CADM2: variants seen among roughly 807,000 people sequenced by gnomAD.
CADM2 encodes cell adhesion molecule 2, also known as immunoglobulin superfamily member 4D.
In CADM2, 12 loss-of-function variants were observed where a neutral mutation model predicts 49.8. That is an observed-to-expected ratio of 0.24 (90% CI 0.15 to 0.39). CADM2 has a LOEUF of 0.39. Among genes scored for constraint, CADM2 ranks in the 10% least tolerant of loss-of-function variants. CADM2 has a pLI of 1.00. For missense variants in CADM2, 378 were observed against 492.3 expected, an observed-to-expected ratio of 0.77 and a Z score of 2.20; for synonymous variants, 214 against 175.4, an observed-to-expected ratio of 1.22 and a Z score of -1.74.
chr3:85,484,295 C>G (rs1322726721), intron 1 of CADM2, among the ~76,000 whole-genome samples: 1 of 151,900 alleles, frequency 6.6e-6, no homozygotes, highest in Non-Finnish European at 1.5e-5. Context: ...TGCTTATGCT[C>G]TGTATTAACA....
intron 1 of CADM2, among the ~76,000 whole-genome samples, chr3:85,483,750 G>A: frequency 6.6e-6 from 1 of 150,944 alleles, no homozygotes; most frequent in South Asian, 2.1e-4. Context: ...ATATAATGTT[G>A]AATAAGGAGT....
At chr3:85,085,367 T>C (rs975292628) in intron 1 of CADM2, among the ~76,000 whole-genome samples, 3 of 152,114 alleles carry the variant, frequency 2.0e-5, no homozygotes, top group Non-Finnish European at 4.4e-5. Flanking sequence ...AGGTTCATAG[T>C]TGTTGTTGCA....
chr3:85,403,607 C>G (rs909274043), intron 1 of CADM2, among the ~76,000 whole-genome samples: 7 of 152,076 alleles, frequency 4.6e-5, no homozygotes, highest in African/African-American at 1.7e-4. Context: ...TTCACCACCA[C>G]CACAGCAAAT....
intron 1 of CADM2, among the ~76,000 whole-genome samples, chr3:85,327,147 C>T (rs979594361): frequency 1.3e-5 from 2 of 151,436 alleles, no homozygotes; most frequent in Non-Finnish European, 1.5e-5. Flanking sequence ...AGAATTCTAT[C>T]CTACAATTCT....
chr3:85,606,366 A>G (rs1034421177), intron 1 of CADM2, among the ~76,000 whole-genome samples: 4 of 152,076 alleles, frequency 2.6e-5, no homozygotes, highest in Non-Finnish European at 5.9e-5. Flanking sequence ...CATATTCCCA[A>G]ACAACTGGAA....
intron 1 of CADM2, among the ~76,000 whole-genome samples, chr3:85,352,381 C>T (rs1405123305): frequency 6.6e-6 from 1 of 152,048 alleles, no homozygotes; most frequent in Non-Finnish European, 1.5e-5. Flanking sequence ...AGAAAAATAA[C>T]ATCAAGATTA....
chr3:85,379,918 A>T (rs1265249397), intron 1 of CADM2, among the ~76,000 whole-genome samples: 2 of 152,044 alleles, frequency 1.3e-5, no homozygotes, highest in Non-Finnish European at 2.9e-5. Context: ...TTATTGTCTG[A>T]CATCTTTTGA....
At chr3:85,420,509 A>G (rs1405380619) in intron 1 of CADM2, among the ~76,000 whole-genome samples, 1 of 152,216 alleles carries the variant, frequency 6.6e-6, no homozygotes, top group African/African-American at 2.4e-5. Context: ...GGGGAAAAAA[A>G]TTATAGCCCC....
In CADM2 at chr3:85,998,886, A is replaced by AT. The variant is rs899374678; in HGVS notation, c.970+37245dup. 5.9e-5 allele frequency among the ~76,000 whole-genome samples: 9 copies of AT among 152,184 alleles called. 1 individual carries two copies. The highest frequency in any genetic ancestry group is 1.4e-4 in the African/African-American group (6 of 41,460). On this transcript the variant is annotated intron_variant, in intron 8 of 9. Transcript: ENST00000383699. ...TTATTTGGGAAAGTAAAATTGACAG[A>AT]TTTTTTAACCAATTAAGTAAGAAAT...
At chr3:85,418,251 C>G (rs2036003813) in intron 1 of CADM2, among the ~76,000 whole-genome samples, 1 of 151,822 alleles carries the variant, frequency 6.6e-6, no homozygotes, top group Non-Finnish European at 1.5e-5. Context: ...ATAGAATTTA[C>G]AAGACAAAAA....
At chr3:85,881,270 G>A (rs1012688641) in intron 3 of CADM2, among the ~76,000 whole-genome samples, 1 of 151,536 alleles carries the variant, frequency 6.6e-6, no homozygotes, top group South Asian at 2.1e-4. Flanking sequence ...TCATGCTAAG[G>A]TTTTCTGTTT....
chr3:85,206,655 T>A (rs1475822970), intron 1 of CADM2, among the ~76,000 whole-genome samples: 1 of 152,144 alleles, frequency 6.6e-6, no homozygotes, highest in Non-Finnish European at 1.5e-5. Context: ...TTTCAGACTG[T>A]CTTGATAAAA....
intron 1 of CADM2, among the ~76,000 whole-genome samples, chr3:85,128,698 A>G (rs2039118485): frequency 6.6e-6 from 1 of 152,206 alleles, no homozygotes. Context: ...GGGTTAGGTT[A>G]GACCCCAAAA....
chr3:85,493,384 A>C (rs2039757280), intron 1 of CADM2, among the ~76,000 whole-genome samples: 1 of 152,148 alleles, frequency 6.6e-6, no homozygotes, highest in Admixed American at 6.5e-5. Context: ...CCGCTAAGAT[A>C]ATATGAATAC....
chr3:85,678,814 C>G (rs140806127), intron 1 of CADM2, among the ~76,000 whole-genome samples: 14 of 152,194 alleles, frequency 9.2e-5, no homozygotes, highest in Admixed American at 3.9e-4. Flanking sequence ...GGTGGCAGAT[C>G]TCAACTGGGG....
chr3:85,544,494 G>A (rs923915609), intron 1 of CADM2, among the ~76,000 whole-genome samples: 1 of 152,064 alleles, frequency 6.6e-6, no homozygotes, highest in Non-Finnish European at 1.5e-5. Flanking sequence ...GGTGAATGGC[G>A]TGAACCCGGG....
At chr3:85,436,445 T>G (rs1015417198) in intron 1 of CADM2, among the ~76,000 whole-genome samples, 1 of 151,918 alleles carries the variant, frequency 6.6e-6, no homozygotes. Flanking sequence ...CCTGAAATAC[T>G]CTGTTGAATA....
intron 1 of CADM2, among the ~76,000 whole-genome samples, chr3:84,989,419 T>A (rs577524655): frequency 6.6e-6 from 1 of 152,134 alleles, no homozygotes; most frequent in Non-Finnish European, 1.5e-5. Context: ...TCAAAATTAA[T>A]ATATTCTGTA....
chr3:85,785,288 T>A (rs572022474), intron 2 of CADM2, among the ~76,000 whole-genome samples: 1 of 152,268 alleles, frequency 6.6e-6, no homozygotes, highest in African/African-American at 2.4e-5. Flanking sequence ...TGCTCCGATC[T>A]TTATTATTTC....
Sources: gnomAD v4.1 joint callset for allele counts (sites outside exome capture counted in the v4.1 genomes callset) on GRCh38, gnomAD v4.1.1 for gene constraint, MANE v1.5 for transcripts, NCBI Gene and HGNC (gene_info 2026-07-23, HGNC 2026-07-21) for gene names.